CCDC125: variants seen among roughly 807,000 people sequenced by gnomAD.
The protein encoded by CCDC125 is coiled-coil domain containing 125, also known as coiled-coil domain-containing protein 125.
A neutral mutation model predicts 57.4 loss-of-function variants in CCDC125; 43 were observed. That is an observed-to-expected ratio of 0.75 (90% CI 0.59 to 0.97). CCDC125 has a LOEUF of 0.97. Among genes scored for constraint, CCDC125 ranks in the 50% least tolerant of loss-of-function variants. The pLI is 0.00. For missense variants in CCDC125, 563 were observed against 595.7 expected (o/e 0.95, Z 0.57); for synonymous variants, 187 against 195.2 (o/e 0.96, Z 0.35).
chr5:69,305,718 C>T (rs1305700506), intron 6 of CCDC125, among the ~76,000 whole-genome samples: 1 of 152,140 alleles, frequency 6.6e-6, no homozygotes, highest in African/African-American at 2.4e-5. Context: ...CAAGCCTGCA[C>T]CGAGTCAAGC....
downstream of CCDC125, chr5:69,277,075 C>CT (rs199570737): frequency 6.6e-3 from 9,132 of 1,388,122 alleles, 10 homozygotes; most frequent in East Asian, 0.034. Flanking sequence ...ATGTGAACAA[C>CT]TTTTTTTTTT....
At chr5:69,326,175 C>A (rs1379123131) in intron 1 of CCDC125, among the ~76,000 whole-genome samples, 2 of 152,124 alleles carry the variant, frequency 1.3e-5, no homozygotes, top group East Asian at 3.8e-4. Flanking sequence ...GATGTCAGAG[C>A]CAACACTCTT....
intron 1 of CCDC125, among the ~76,000 whole-genome samples, chr5:69,332,290 T>A (rs1471762523): frequency 6.6e-6 from 1 of 152,234 alleles, no homozygotes; most frequent in Non-Finnish European, 1.5e-5. Context: ...AATGTCAACA[T>A]TTGTGTACAA....
In CCDC125 at chr5:69,297,649, G is replaced by A. The variant is rs140212762; in HGVS notation, c.816+2363C>T. ...GCTGGGATTACAGGCGTTAGCCACC[G>A]CACCTGGCCCATATATTTTAAAGTT... On this transcript the variant is annotated intron_variant, in intron 8 of 11. Coordinates refer to ENST00000396496, the MANE Select transcript of CCDC125 (RefSeq NM_176816.5). Among the ~76,000 whole-genome samples the A allele has an allele frequency of 7.3e-5, 11 of 150,642 alleles. No homozygotes were observed. In the East Asian group the frequency reaches 1.3e-3, roughly 17 times the overall value.
At chr5:69,304,913 T>A (rs901395758) in intron 6 of CCDC125, among the ~76,000 whole-genome samples, 1 of 152,156 alleles carries the variant, frequency 6.6e-6, no homozygotes, top group Admixed American at 6.5e-5. Context: ...AATAATGATG[T>A]ATCAACATTG....
intron 11 of CCDC125, 100 bp downstream of exon 11, chr5:69,285,237 G>C: frequency 9.0e-7 from 1 of 1,108,450 alleles, no homozygotes; most frequent in Non-Finnish European, 1.3e-6. Flanking sequence ...TTTGTGTTGG[G>C]CCACATTCAA....
Position 69,294,776 on chromosome 5 carries a change from T to A in CCDC125, c.924+17A>T. Reference sequence around the variant, plus strand: ...AGAAACAAAACTAAAGCTTTTGCTGTTGTGATAACGCAATACCTCTTGTTT... The same window carrying A: ...AGAAACAAAACTAAAGCTTTTGCTGATGTGATAACGCAATACCTCTTGTTT... On this transcript the variant is annotated intron_variant, in intron 9 of 11. Transcript: ENST00000396496. The A allele has an allele frequency of 1.3e-6, 2 of 1,557,830 alleles. No individual in the cohort carries two copies. The highest frequency in any genetic ancestry group is 1.8e-6 in the Non-Finnish European group (2 of 1,136,066).
intron 3 of CCDC125, among the ~76,000 whole-genome samples, chr5:69,313,170 G>A (rs1180997799): frequency 2.6e-5 from 4 of 152,164 alleles, no homozygotes; most frequent in Non-Finnish European, 4.4e-5. Flanking sequence ...AAGCAGTTTC[G>A]GAAGGCCAGA....
In CCDC125 at chr5:69,313,989, A is replaced by G. The variant is rs1561464765; in HGVS notation, c.362T>C (p.Leu121Ser). 4.4e-6 allele frequency: 7 copies of G among 1,605,538 alleles called. No individual in the cohort carries two copies. The highest frequency in any genetic ancestry group is 6.0e-6 in the Non-Finnish European group (7 of 1,172,170). The change falls in exon 3 of 12, where the codon TTA becomes TCA. Residue 121 changes from leucine to serine, a missense_variant. Transcript: ENST00000396496. ...TATATTAGCCAGAGTACCTACCTCTAAAGTTTCATTAAGACATTGCCTTAA... is the reference window on the plus strand; with the variant it reads ...TATATTAGCCAGAGTACCTACCTCTGAAGTTTCATTAAGACATTGCCTTAA... ...EELRQCLNET[L>S]EEVEMLKTEL... is the part of the protein sequence containing the mutation.
At chr5:69,291,397 C>T (rs1026540655) in intron 10 of CCDC125, among the ~76,000 whole-genome samples, 3 of 151,426 alleles carry the variant, frequency 2.0e-5, no homozygotes, top group Admixed American at 1.3e-4. Context: ...AGTCTCATTC[C>T]GTCGCCCAGT....
downstream of CCDC125, among the ~76,000 whole-genome samples, chr5:69,276,859 TTTCA>T (rs1180875527): frequency 6.6e-6 from 1 of 152,284 alleles, no homozygotes; most frequent in Non-Finnish European, 1.5e-5. Context: ...GTATGTTTAC[TTTCA>T]TTGTGAATAC....
intron 10 of CCDC125, among the ~76,000 whole-genome samples, chr5:69,286,357 G>A (rs548658035): frequency 1.3e-5 from 2 of 149,938 alleles, no homozygotes; most frequent in South Asian, 2.1e-4. Flanking sequence ...TCAGCCTCCC[G>A]AGTAGCTGGG....
chr5:69,311,803 A>G (rs1758203622), intron 3 of CCDC125, among the ~76,000 whole-genome samples: 2 of 150,416 alleles, frequency 1.3e-5, no homozygotes, highest in Non-Finnish European at 1.5e-5. Flanking sequence ...GCGTGGTCTC[A>G]GCTCACTGCA....
intron 2 of CCDC125, among the ~76,000 whole-genome samples, chr5:69,319,426 A>G (rs745524953): frequency 6.6e-6 from 1 of 152,070 alleles, no homozygotes; most frequent in Non-Finnish European, 1.5e-5. Context: ...TATCATTAAT[A>G]TATTAGATGC....
chr5:69,273,052 G>A, the CCDC125 span: 2 of 1,490,148 alleles, frequency 1.3e-6, no homozygotes, highest in Admixed American at 1.9e-5. Context: ...GTATTTTGGT[G>A]TATCTTTTTT....
chr5:69,280,090 G>C (rs1752391962), downstream of CCDC125: 1 of 152,110 alleles, frequency 6.6e-6, no homozygotes. Context: ...TCAACATGTG[G>C]GAATTATGGG....
chr5:69,322,666 A>T (rs893744344), intron 1 of CCDC125, among the ~76,000 whole-genome samples: 2 of 151,720 alleles, frequency 1.3e-5, no homozygotes, highest in African/African-American at 4.8e-5. Flanking sequence ...GGATTCAAGC[A>T]ATTCTCCTGC....
intron 11 of CCDC125, among the ~76,000 whole-genome samples, 164 bp from the exon 12 acceptor site, chr5:69,283,198 A>G (rs996562543): frequency 3.3e-5 from 5 of 151,250 alleles, no homozygotes; most frequent in Non-Finnish European, 7.4e-5. Flanking sequence ...CCCAAACATT[A>G]TACTACATGT....
chr5:69,300,101 G>C lies in CCDC125; in HGVS notation c.727C>G (p.Leu243Val). ...AVLNQRYLEA[L>V]AMLDIKQQKM... The stretch of plus-strand genomic sequence containing the variant: ...TGCTGTTTGATATCAAGCATGGCGA[G>C]GGCCTCCAAATACCGTTGATTCAAA... The change falls in exon 8 of 12, where the codon CTC (leucine) becomes GTC (valine). Residue 243 changes from leucine to valine, a missense_variant. Coordinates refer to ENST00000396496, the MANE Select transcript of CCDC125 (RefSeq NM_176816.5). 6.2e-7 allele frequency: 1 copy of C among 1,614,108 alleles called. No homozygotes were observed. Among genetic ancestry groups the C allele is most frequent in the Non-Finnish European group, 8.5e-7 (1 of 1,180,002 alleles).
Sources: gnomAD v4.1 joint callset for allele counts (sites outside exome capture counted in the v4.1 genomes callset) on GRCh38, gnomAD v4.1.1 for gene constraint, MANE v1.5 for transcripts, NCBI Gene and HGNC (gene_info 2026-07-23, HGNC 2026-07-21) for gene names.